The following STXBP5 variants were observed in gnomAD, a reference collection of about 807,000 sequenced individuals.
STXBP5 encodes syntaxin-binding protein 5.
A neutral mutation model predicts 152.4 loss-of-function variants in STXBP5; 50 were observed. The observed-to-expected ratio is 0.33, with a 90% CI of 0.26 to 0.42. STXBP5 has a LOEUF of 0.42. Among genes scored for constraint, STXBP5 ranks in the 10% least tolerant of loss-of-function variants. The probability of loss-of-function intolerance (pLI) is 1.00; values close to 1 mark genes in which losing one functional copy is unlikely to be tolerated. For synonymous variants in STXBP5, 492 were observed against 494.7 expected, an observed-to-expected ratio of 0.99 and a Z score of 0.07; for missense variants, 1,167 against 1,388.6, an observed-to-expected ratio of 0.84 and a Z score of 2.54.
At chr6:147,211,628 T>A (rs1776859731) in intron 2 of STXBP5, among the ~76,000 whole-genome samples, 1 of 152,214 alleles carries the variant, frequency 6.6e-6, no homozygotes, top group East Asian at 1.9e-4. Context: ...TCTTACTCTG[T>A]TACCCTGGCA....
chr6:147,291,059 A>C (rs773114697), intron 8 of STXBP5, 35 bp from the exon 9 acceptor site: 1 of 1,522,956 alleles, frequency 6.6e-7, no homozygotes, highest in Non-Finnish European at 9.0e-7. Context: ...AGTAACTTAG[A>C]ATTTTAGAAT....
intron 26 of STXBP5, among the ~76,000 whole-genome samples, chr6:147,380,237 G>A (rs557426209): frequency 6.8e-6 from 1 of 146,442 alleles, no homozygotes; most frequent in African/African-American, 2.6e-5. Context: ...AAAGCTGGAG[G>A]GACTCAAACA....
intron 9 of STXBP5, among the ~76,000 whole-genome samples, chr6:147,301,662 C>T (rs1781823452): frequency 6.6e-6 from 1 of 152,072 alleles, no homozygotes; most frequent in Non-Finnish European, 1.5e-5. Flanking sequence ...AGTCTTAATC[C>T]CCAAATCTCA....
chr6:147,268,681 T>G (rs1227421406), intron 7 of STXBP5, among the ~76,000 whole-genome samples: 2 of 152,212 alleles, frequency 1.3e-5, no homozygotes, highest in Admixed American at 6.5e-5. Context: ...ATTTTAAAAA[T>G]TGAACATTTT....
chr6:147,315,628 A>T lies in STXBP5; in HGVS notation c.1516A>T (p.Ile506Phe), dbSNP rs1289206864. The T allele has an allele frequency of 6.2e-7, 1 of 1,613,954 alleles. No individual in the cohort carries two copies. The highest frequency in any genetic ancestry group is 1.1e-5 in the South Asian group (1 of 91,082). The change falls in exon 15 of 28, where the codon ATC becomes TTC. Residue 506 changes from isoleucine to phenylalanine, a missense_variant. By Grantham distance (21) the Ile-to-Phe change is conservative. This residue lies in a region of STXBP5 where 833 missense variants were observed against 986.3 expected (regional missense o/e 0.84). Transcript: ENST00000321680. ...IVDEDPYAIQ[I>F]ISWCPESRML... ...AGATGAAGATCCATATGCCATTCAG[A>T]TCATCTCCTGGTGTCCAGAAAGTAG... is the stretch of plus-strand genomic sequence containing the variant.
At chr6:147,280,154 A>T (rs1780634812) in intron 8 of STXBP5, among the ~76,000 whole-genome samples, 1 of 151,856 alleles carries the variant, frequency 6.6e-6, no homozygotes. Flanking sequence ...TTTGGTTGTC[A>T]TGTTTCTTCT....
chr6:147,317,639 T>C (rs1782708575), intron 16 of STXBP5, among the ~76,000 whole-genome samples: 1 of 152,146 alleles, frequency 6.6e-6, no homozygotes, highest in Non-Finnish European at 1.5e-5. Context: ...TATATACCCA[T>C]TGAGGTTAAG....
chr6:147,234,771 C>T (rs1000205506), intron 2 of STXBP5, among the ~76,000 whole-genome samples: 16 of 151,704 alleles, frequency 1.1e-4, no homozygotes, highest in African/African-American at 3.6e-4. Flanking sequence ...ATATTTTTAG[C>T]GTTACTTAAA....
intron 4 of STXBP5, among the ~76,000 whole-genome samples, chr6:147,241,277 A>G (rs60412958): frequency 0.018 from 2,724 of 152,330 alleles, 70 homozygotes; most frequent in African/African-American, 0.061. Flanking sequence ...TTAATGAACG[A>G]AAATTGATAC....
At chr6:147,351,689 A>T (rs1407402906) in intron 21 of STXBP5, 1 of 207,506 alleles carries the variant, frequency 4.8e-6, no homozygotes, top group African/African-American at 2.4e-5. Flanking sequence ...TGACTTTTAT[A>T]AATTTAACCC....
At chr6:147,303,472 T>C (rs1385670550) in intron 9 of STXBP5, among the ~76,000 whole-genome samples, 1 of 152,176 alleles carries the variant, frequency 6.6e-6, no homozygotes, top group African/African-American at 2.4e-5. Flanking sequence ...CTTTGTGAAT[T>C]ACTCAGTCTC....
At chr6:147,371,536 T>C (rs1429184201) in intron 25 of STXBP5, among the ~76,000 whole-genome samples, 1 of 152,256 alleles carries the variant, frequency 6.6e-6, no homozygotes, top group Non-Finnish European at 1.5e-5. Flanking sequence ...GAGGCAGTTA[T>C]CATTATCTCC....
chr6:147,375,305 G>T (rs1785755512), intron 26 of STXBP5, among the ~76,000 whole-genome samples: 1 of 152,070 alleles, frequency 6.6e-6, no homozygotes, highest in South Asian at 2.1e-4. Flanking sequence ...CCTGAACATT[G>T]TATCAGGTAA....
intron 9 of STXBP5, among the ~76,000 whole-genome samples, chr6:147,309,184 G>A (rs1223156410): frequency 6.6e-6 from 1 of 152,044 alleles, no homozygotes; most frequent in Non-Finnish European, 1.5e-5. Context: ...TGGAAAAGAA[G>A]GAAGTAACAT....
intron 22 of STXBP5, among the ~76,000 whole-genome samples, chr6:147,353,806 A>G (rs1784697742): frequency 6.6e-6 from 1 of 152,186 alleles, no homozygotes; most frequent in African/African-American, 2.4e-5. Context: ...AGCAAGAATC[A>G]TCGTTACTAA....
chr6:147,311,120 CTT>C (rs1582925757), intron 10 of STXBP5, among the ~76,000 whole-genome samples: 1 of 152,090 alleles, frequency 6.6e-6, no homozygotes. Flanking sequence ...TAGTAGAACT[CTT>C]TTGGGTTCCT....
At chr6:147,366,662 A>T (rs1473668286) in intron 25 of STXBP5, among the ~76,000 whole-genome samples, 2 of 152,122 alleles carry the variant, frequency 1.3e-5, no homozygotes, top group Non-Finnish European at 2.9e-5. Flanking sequence ...TTGGATTATA[A>T]CCCATTCAGT....
At chr6:147,302,161 A>G (rs1781853661) in intron 9 of STXBP5, among the ~76,000 whole-genome samples, 2 of 152,114 alleles carry the variant, frequency 1.3e-5, no homozygotes, top group South Asian at 4.1e-4. Flanking sequence ...CTGATATTAC[A>G]TATATAATGA....
At chr6:147,279,401 A>G (rs1396245922) in intron 8 of STXBP5, among the ~76,000 whole-genome samples, 2 of 152,174 alleles carry the variant, frequency 1.3e-5, no homozygotes, top group Non-Finnish European at 2.9e-5. Context: ...AGCTATTGCT[A>G]GTATTTCATT....
Sources: allele counts gnomAD v4.1 joint callset (sites outside exome capture counted in the v4.1 genomes callset), GRCh38; gene constraint gnomAD v4.1.1; regional missense constraint gnomAD v4.1.1; transcripts MANE v1.5; gene names NCBI Gene and HGNC (gene_info 2026-07-23, HGNC 2026-07-21).